PDZD2: variants seen among roughly 807,000 people sequenced by gnomAD.
The protein encoded by PDZD2 is PDZ domain containing 2.
In PDZD2, 90 loss-of-function variants were observed where a neutral mutation model predicts 220.7. The ratio of observed to expected loss-of-function variants is 0.41; its 90% confidence interval spans 0.34 to 0.49. PDZD2 has a LOEUF of 0.49. Ranked by LOEUF, PDZD2 falls within the 20% of genes least tolerant of loss-of-function variation. PDZD2 has a pLI of 0.28. For missense variants in PDZD2, 3,174 were observed against 3,608.5 expected, an observed-to-expected ratio of 0.88 and a Z score of 3.08; for synonymous variants, 1,375 against 1,450.5, an observed-to-expected ratio of 0.95 and a Z score of 1.18.
intron 2 of PDZD2, among the ~76,000 whole-genome samples, chr5:31,846,644 T>C (rs1401680093): frequency 6.6e-6 from 1 of 152,254 alleles, no homozygotes; most frequent in Non-Finnish European, 1.5e-5. Flanking sequence ...GTTGATTGGA[T>C]AGAATTGTCA....
chr5:31,782,495 G>T (rs1398409384), intron 1 of PDZD2, among the ~76,000 whole-genome samples: 1 of 152,028 alleles, frequency 6.6e-6, no homozygotes, highest in African/African-American at 2.4e-5. Context: ...TCATGCAGGA[G>T]TTGGCACCTC....
chr5:32,048,988 C>T (rs438834), intron 8 of PDZD2, among the ~76,000 whole-genome samples: 105,261 of 152,012 alleles, frequency 0.69, 36,649 homozygotes, highest in African/African-American at 0.76. Flanking sequence ...TGAACCAGCA[C>T]TGCTCGATTA....
chr5:31,711,931 A>C (rs1448790068), intron 1 of PDZD2: 3 of 152,398 alleles, frequency 2.0e-5, no homozygotes, highest in African/African-American at 7.2e-5. Flanking sequence ...AACACTTGGA[A>C]TCTTTGAGTC....
intron 1 of PDZD2, among the ~76,000 whole-genome samples, chr5:31,774,572 C>T (rs778169756): frequency 4.0e-5 from 6 of 151,564 alleles, no homozygotes; most frequent in African/African-American, 9.7e-5. Flanking sequence ...AAAAAGTAGC[C>T]GGGTGTGGTG....
rs1581399930 is a variant in PDZD2 at position 32,060,991 on chromosome 5, G to A, written c.2319-11G>A. 6.2e-7 allele frequency: 1 copy of A among 1,614,058 alleles called. No individual in the cohort carries two copies. The highest frequency in any genetic ancestry group is 8.5e-7 in the Non-Finnish European group (1 of 1,179,946). ...GCTAACACAGAGTGTGGATTCTGTT[G>A]CCCTCCCTAGCCGCGGGGATCAAAT... On this transcript the variant is annotated splice_polypyrimidine_tract_variant and intron_variant, in intron 13 of 24. Transcript: ENST00000438447.
chr5:31,645,777 A>G lies in PDZD2; in HGVS notation c.-361+6340A>G, dbSNP rs1399925434. On this transcript the variant is annotated intron_variant, in intron 1 of 24. Transcript: ENST00000438447. Reference sequence around the variant, plus strand: ...CTGCTTGGCTAAAAATAAAGGCAGCACTCATATAGTGTAGAATTAGTATTC... The same window carrying G: ...CTGCTTGGCTAAAAATAAAGGCAGCGCTCATATAGTGTAGAATTAGTATTC... Among the ~76,000 whole-genome samples the G allele has an allele frequency of 5.9e-5, 9 of 152,190 alleles. No homozygotes were observed. The South Asian group carries it at 1.2e-3, about 21-fold the overall frequency.
chr5:31,933,412 A>G (rs1386821124), intron 2 of PDZD2, among the ~76,000 whole-genome samples: 4 of 152,108 alleles, frequency 2.6e-5, no homozygotes, highest in Admixed American at 2.6e-4. Flanking sequence ...GTGAATATCC[A>G]TTCGTGTGTC....
chr5:31,989,416 C>CTTTTTTTTTTTTT (rs1385913596), intron 3 of PDZD2, among the ~76,000 whole-genome samples: 8 of 120,680 alleles, frequency 6.6e-5, no homozygotes, highest in South Asian at 2.9e-4. Flanking sequence ...ACCACATTTT[C>CTTTTTTTTTTTTT]TTTTCTTTTT....
intron 1 of PDZD2, among the ~76,000 whole-genome samples, chr5:31,747,074 C>A (rs1463908736): frequency 6.6e-6 from 1 of 152,174 alleles, no homozygotes; most frequent in Non-Finnish European, 1.5e-5. Flanking sequence ...ACTCGGGAGG[C>A]TGAGGCAGGA....
Position 32,087,813 on chromosome 5 carries a change from T to A in PDZD2, c.4365T>A (p.Ser1455Arg). Residue 1455 changes from serine to arginine, a missense_variant, in exon 20 of 25, where the codon AGT (serine) becomes AGA (arginine). By Grantham distance (110) the Ser-to-Arg change is moderately radical. Around this residue, in one of 4 missense-constraint regions of PDZD2, gnomAD observed 1,861 missense variants for 2,001.0 expected, o/e 0.93. Coordinates refer to ENST00000438447, the MANE Select transcript of PDZD2 (RefSeq NM_178140.4). This position sits in a 1 kb window ranked among gnomAD's most constrained non-coding sequence, Gnocchi z 4.0. ...GGGACAGTGGCTCTCAGGAGGGCAG[T>A]GCTCAGGGCCACCCACCAGCCGGGG... ...QTGDSGSQEG[S>R]AQGHPPAGAG... The A allele has an allele frequency of 6.2e-7, 1 of 1,612,892 alleles. No homozygotes were observed. The highest frequency in any genetic ancestry group is 8.5e-7 in the Non-Finnish European group (1 of 1,179,676).
Position 31,777,331 on chromosome 5 carries a change from G to A in PDZD2, c.-360-21558G>A, listed in dbSNP as rs61263334. ...CTTGAATTCTCGCCAGGCCTCAGCC[G>A]CCTCCCTGCGGTGCAGGGCTCCGAA... On this transcript the variant is annotated intron_variant, in intron 1 of 24. Transcript: ENST00000438447. 5.7e-3 allele frequency among the ~76,000 whole-genome samples: 863 copies of A among 152,268 alleles called. 12 individuals are homozygous for A. The highest frequency in any genetic ancestry group is 0.02 in the African/African-American group (824 of 41,572).
intron 1 of PDZD2, among the ~76,000 whole-genome samples, chr5:31,642,839 T>C (rs1364540516): frequency 6.6e-6 from 1 of 152,094 alleles, no homozygotes; most frequent in African/African-American, 2.4e-5. Flanking sequence ...GGTCACTTCG[T>C]GAAGCTGGGG....
Position 31,752,068 on chromosome 5 carries a change from G to GTTTTTTTTTTTTTTTTTTT in PDZD2, c.-360-46821_-360-46820insTTTTTTTTTTTTTTTTTTT, listed in dbSNP as rs1251840861. Among the ~76,000 whole-genome samples, 204 of 95,938 alleles carry GTTTTTTTTTTTTTTTTTTT rather than the reference G, an allele frequency of 2.1e-3. 70 individuals carry two copies. The highest frequency in any genetic ancestry group is 0.014 in the Middle Eastern group (2 of 140). The allele number at this position is 95,938 out of a possible 152,430, so 62.9% of individuals were successfully genotyped here. The stretch of plus-strand genomic sequence containing the variant: ...TTTGTTTGTTTGTTTTATTGTTTTG[G>GTTTTTTTTTTTTTTTTTTT]GTTTGTTTTTTTTTTTTTTTTTCTG... On this transcript the variant is annotated intron_variant, in intron 1 of 24. Coordinates refer to ENST00000438447, the MANE Select transcript of PDZD2 (RefSeq NM_178140.4).
At chr5:32,042,672 A>G (rs1002631872) in intron 7 of PDZD2, among the ~76,000 whole-genome samples, 38 of 152,352 alleles carry the variant, frequency 2.5e-4, no homozygotes, top group Non-Finnish European at 3.8e-4. Flanking sequence ...GAGTTACAAC[A>G]TGGATTGGGG....
chr5:31,834,185 C>T (rs751299186), intron 2 of PDZD2, among the ~76,000 whole-genome samples: 4 of 152,204 alleles, frequency 2.6e-5, no homozygotes, highest in Non-Finnish European at 4.4e-5. Context: ...TTCCCCTACC[C>T]TCTGACTCCT....
At chr5:31,652,785 C>A (rs567949548) in intron 1 of PDZD2, among the ~76,000 whole-genome samples, 1 of 152,078 alleles carries the variant, frequency 6.6e-6, no homozygotes, top group Non-Finnish European at 1.5e-5. Flanking sequence ...CCAAGGCAGG[C>A]GGATCACTTG....
chr5:31,976,008 T>C (rs1383394247), intron 2 of PDZD2, among the ~76,000 whole-genome samples: 1 of 151,952 alleles, frequency 6.6e-6, no homozygotes, highest in Non-Finnish European at 1.5e-5. Context: ...CTGCTCAGGC[T>C]GGGATATCAG....
chr5:31,830,498 T>G (rs537754031), intron 2 of PDZD2, among the ~76,000 whole-genome samples: 1 of 152,224 alleles, frequency 6.6e-6, no homozygotes, highest in Non-Finnish European at 1.5e-5. Flanking sequence ...TTAACTTGTA[T>G]GTTTTATTTT....
At chr5:32,106,495 C>T (rs1744774028) in intron 24 of PDZD2, 1 of 152,264 alleles carries the variant, frequency 6.6e-6, no homozygotes, top group Non-Finnish European at 1.5e-5. Flanking sequence ...TTCAGTCCTT[C>T]TAACAACCTA....
Sources: allele counts gnomAD v4.1 joint callset (sites outside exome capture counted in the v4.1 genomes callset), GRCh38; gene constraint gnomAD v4.1.1; regional missense constraint gnomAD v4.1.1; non-coding constraint Gnocchi (gnomAD v3.1); transcripts MANE v1.5; gene names NCBI Gene and HGNC (gene_info 2026-07-23, HGNC 2026-07-21).